SHANK2: variants seen among roughly 807,000 people sequenced by gnomAD.
SHANK2 encodes SH3 and multiple ankyrin repeat domains 2.
Under a neutral mutation model 133.7 loss-of-function variants are expected in SHANK2, and 43 were observed. That is an observed-to-expected ratio of 0.32 (90% CI 0.25 to 0.41). The LOEUF is 0.41. Among genes scored for constraint, SHANK2 ranks in the 10% least tolerant of loss-of-function variants. The pLI is 1.00. For missense variants in SHANK2, 1,994 were observed against 2,235.8 expected, an observed-to-expected ratio of 0.89 and a Z score of 2.18; for synonymous variants, 1,017 against 952.8, an observed-to-expected ratio of 1.07 and a Z score of -1.24.
chr11:70,832,806 C>T (rs1948744783), intron 11 of SHANK2, among the ~76,000 whole-genome samples: 3 of 152,190 alleles, frequency 2.0e-5, no homozygotes, highest in Admixed American at 2.0e-4. Flanking sequence ...ACCAGCTGCC[C>T]CAGACCCTGA....
At chr11:70,749,824 CTG>C (rs1368189377) in intron 14 of SHANK2, among the ~76,000 whole-genome samples, 5 of 150,672 alleles carry the variant, frequency 3.3e-5, no homozygotes, top group Admixed American at 3.3e-4. Context: ...GAAAAAAAGA[CTG>C]AAAAAAAAAT....
chr11:71,158,975 T>C (rs10897674), intron 2 of SHANK2, among the ~76,000 whole-genome samples: 98,056 of 152,056 alleles, frequency 0.64, 33,145 homozygotes, highest in African/African-American at 0.85. Context: ...ACACAACAAA[T>C]CTCTAGAAGA....
intron 10 of SHANK2, among the ~76,000 whole-genome samples, chr11:70,908,631 G>A (rs1044105905): frequency 6.6e-6 from 1 of 152,198 alleles, no homozygotes; most frequent in Non-Finnish European, 1.5e-5. Flanking sequence ...AGCAACCTGG[G>A]ATTCGGACCA....
At chr11:70,683,085 C>T (rs1264045842) in intron 15 of SHANK2, among the ~76,000 whole-genome samples, 2 of 152,172 alleles carry the variant, frequency 1.3e-5, no homozygotes, top group African/African-American at 4.8e-5. Context: ...GGTCTCTCCA[C>T]CAGGCTCACC....
intron 2 of SHANK2, among the ~76,000 whole-genome samples, chr11:71,193,520 A>G (rs1048253297): frequency 4.6e-5 from 7 of 152,158 alleles, no homozygotes; most frequent in Non-Finnish European, 1.0e-4. Flanking sequence ...ATAACATGAG[A>G]TAACAGGCTG....
At chr11:71,246,198 C>G (rs528354323) in intron 1 of SHANK2, among the ~76,000 whole-genome samples, 1 of 152,014 alleles carries the variant, frequency 6.6e-6, no homozygotes, top group Non-Finnish European at 1.5e-5. Flanking sequence ...GGTCTGGAAA[C>G]CCAGGATGCC....
chr11:70,692,023 C>A (rs558387240), intron 15 of SHANK2, among the ~76,000 whole-genome samples: 1 of 152,208 alleles, frequency 6.6e-6, no homozygotes. Flanking sequence ...AAATTAACTG[C>A]GAGGCCCAGC....
At chr11:71,082,945 C>CT (rs1326477626) in intron 8 of SHANK2, among the ~76,000 whole-genome samples, 1 of 140,172 alleles carries the variant, frequency 7.1e-6, no homozygotes, top group East Asian at 2.2e-4. Context: ...TAACGCCCGC[C>CT]CCCCCCCCAA....
intron 17 of SHANK2, among the ~76,000 whole-genome samples, chr11:70,606,639 T>C (rs2060582422): frequency 6.8e-6 from 1 of 148,074 alleles, no homozygotes; most frequent in Admixed American, 6.8e-5. Flanking sequence ...CCCCTCAGAC[T>C]CCCCTCCTGG....
intron 2 of SHANK2, among the ~76,000 whole-genome samples, chr11:71,221,615 T>C (rs919679861): frequency 1.3e-5 from 2 of 152,344 alleles, no homozygotes; most frequent in Non-Finnish European, 2.9e-5. Flanking sequence ...TCTAATCTAG[T>C]GTCTTCAACA....
At chr11:70,896,668 A>G (rs1949939471) in intron 10 of SHANK2, 101 bp from the exon 11 acceptor site, 2 of 651,354 alleles carry the variant, frequency 3.1e-6, no homozygotes, top group East Asian at 5.6e-5. Flanking sequence ...AAGAAGTCCA[A>G]TCAGAACCTT....
At chr11:71,082,393 T>C (rs1951312688) in intron 8 of SHANK2, among the ~76,000 whole-genome samples, 3 of 152,182 alleles carry the variant, frequency 2.0e-5, no homozygotes, top group Admixed American at 6.5e-5. Context: ...TGGACAGTGA[T>C]CGCCTCAGCA....
rs1315463168 is a variant in SHANK2 at position 70,807,175 on chromosome 11, G to A, written c.1494-4C>T. On this transcript the variant is annotated splice_polypyrimidine_tract_variant and splice_region_variant and intron_variant, in intron 12 of 25. Coordinates refer to ENST00000601538, the MANE Select transcript of SHANK2 (RefSeq NM_012309.5). This position sits in a 1 kb window ranked among gnomAD's most constrained non-coding sequence, Gnocchi z 4.8. ...GGCACCAAGAGCAAAAGGCGACCTG[G>A]ACCAGGTGAGAGGGGCAGAGAGAGA... 2 of 716,762 alleles carry A rather than the reference G, an allele frequency of 2.8e-6. No individual in the cohort carries two copies. Among genetic ancestry groups the A allele is most frequent in the Admixed American group, 4.0e-5 (2 of 49,834 alleles). The allele number at this position is 716,762 out of a possible 1,614,324, so 44.4% of individuals were successfully genotyped here. A position where few individuals can be genotyped will look rare whatever the true frequency, so the allele number is the denominator to read the frequency against.
rs1951397362 is a variant in SHANK2, at chr11:71,085,978, ATGTT to A, written c.912+6440_912+6443del. On this transcript the variant is annotated intron_variant, in intron 8 of 25. Transcript: ENST00000601538. ...TATTATGTTATATATTATATATATT[ATGTT>A]ATATATTATATTATGTTATATATTA... Among the ~76,000 whole-genome samples the A allele has an allele frequency of 1.9e-3, 144 of 76,016 alleles. 1 individual carries two copies. Among genetic ancestry groups the A allele is most frequent in the African/African-American group, 7.2e-3 (128 of 17,798 alleles). The allele number at this position is 76,016 out of a possible 152,430, so 49.9% of individuals were successfully genotyped here.
chr11:70,913,533 G>T (rs1184838260), intron 10 of SHANK2, among the ~76,000 whole-genome samples: 1 of 152,178 alleles, frequency 6.6e-6, no homozygotes, highest in African/African-American at 2.4e-5. Context: ...AAGGAGAAGG[G>T]AGGGAGACCA....
chr11:70,759,184 C>A lies in SHANK2; in HGVS notation c.1777+39259G>T, dbSNP rs530960025. Among the ~76,000 whole-genome samples, 67 of 134,116 alleles carry A rather than the reference C, an allele frequency of 5.0e-4. 2 individuals are homozygous for A. The South Asian group carries it at 0.014, about 28-fold the overall frequency. The allele number at this position is 134,116 out of a possible 152,430, so 88.0% of individuals were successfully genotyped here. On this transcript the variant is annotated intron_variant, in intron 14 of 25. Coordinates refer to ENST00000601538, the MANE Select transcript of SHANK2 (RefSeq NM_012309.5). ...CATCACAAAACCAAACCAAACCAAACCAAAACAAAACAAAAAAACTGAGTT... is the reference window on the plus strand; with the variant it reads ...CATCACAAAACCAAACCAAACCAAAACAAAACAAAACAAAAAAACTGAGTT...
intron 15 of SHANK2, among the ~76,000 whole-genome samples, chr11:70,690,486 A>ATTTTTTTTTTTTTTTTTTT: frequency 2.6e-5 from 1 of 38,782 alleles, no homozygotes; most frequent in African/African-American, 8.7e-5. Flanking sequence ...AATACTTCCC[A>ATTTTTTTTTTTTTTTTTTT]TGTTTTTTTT....
intron 11 of SHANK2, chr11:70,863,618 T>C (rs1429576421): frequency 2.0e-5 from 9 of 441,920 alleles, no homozygotes; most frequent in African/African-American, 1.8e-4. Flanking sequence ...TTGCTAGGCC[T>C]GGTGCCTCCT....
chr11:70,661,785 A>T, intron 15 of SHANK2, 107 bp from the exon 16 acceptor site: 1 of 1,613,524 alleles, frequency 6.2e-7, no homozygotes, highest in East Asian at 2.2e-5. Context: ...TAATCACCCC[A>T]GCTCGCCAGA....
Sources: gnomAD v4.1 joint callset for allele counts (sites outside exome capture counted in the v4.1 genomes callset) on GRCh38, gnomAD v4.1.1 for gene constraint, Gnocchi (gnomAD v3.1) non-coding constraint, MANE v1.5 for transcripts, NCBI Gene and HGNC (gene_info 2026-07-23, HGNC 2026-07-21) for gene names.